CTNNA3: variants seen among roughly 807,000 people sequenced by gnomAD.
The protein encoded by CTNNA3 is catenin alpha 3, also known as catenin alpha-3.
In CTNNA3, 76 loss-of-function variants were observed where a neutral mutation model predicts 95.7. The ratio of observed to expected loss-of-function variants is 0.79; its 90% CI spans 0.66 to 0.96. CTNNA3 has a LOEUF of 0.96. CTNNA3 is among the 40% of genes least tolerant of loss of function. The pLI, the probability that CTNNA3 is intolerant of heterozygous loss-of-function variation, is 0.00. For synonymous variants in CTNNA3, 431 were observed against 374.4 expected (o/e 1.15, Z -1.74); for missense variants, 1,191 against 1,089.8 (o/e 1.09, Z -1.31).
chr10:66,003,337 T>C (rs987090505), intron 15 of CTNNA3, among the ~76,000 whole-genome samples: 1 of 151,972 alleles, frequency 6.6e-6, no homozygotes, highest in East Asian at 1.9e-4. Context: ...GTGGTGTGTG[T>C]GTGTGTGTGT....
In CTNNA3 at chr10:66,534,718, T is replaced by A. The variant is rs530601328; in HGVS notation, c.1375-13945A>T. 2.3e-3 allele frequency among the ~76,000 whole-genome samples: 346 copies of A among 150,384 alleles called. 2 individuals are homozygous for A. The highest frequency in any genetic ancestry group is 7.9e-3 in the African/African-American group (326 of 41,320). Reference sequence around the variant, plus strand: ...CAGTAAATTATATCATTTATAATAATTTAATAAATTATAGTATTTACTGAA... The same window carrying A: ...CAGTAAATTATATCATTTATAATAAATTAATAAATTATAGTATTTACTGAA... On this transcript the variant is annotated intron_variant, in intron 10 of 17. Transcript: ENST00000433211.
intron 5 of CTNNA3, among the ~76,000 whole-genome samples, chr10:67,307,380 G>T (rs1007341979): frequency 6.6e-6 from 1 of 152,098 alleles, no homozygotes; most frequent in Non-Finnish European, 1.5e-5. Context: ...ATAGCATATC[G>T]TCATATACTG....
chr10:66,762,563 C>T (rs1281170377), intron 9 of CTNNA3, among the ~76,000 whole-genome samples: 1 of 151,436 alleles, frequency 6.6e-6, no homozygotes, highest in Non-Finnish European at 1.5e-5. Flanking sequence ...TCTGAGGTCT[C>T]CTCCTGTATT....
intron 17 of CTNNA3, among the ~76,000 whole-genome samples, chr10:65,946,286 A>G (rs927518433): frequency 5.3e-5 from 8 of 152,212 alleles, no homozygotes; most frequent in African/African-American, 1.7e-4. Flanking sequence ...TTACATATAT[A>G]GTTTACAAAT....
At chr10:66,785,446 A>G (rs1840704297) in intron 7 of CTNNA3, among the ~76,000 whole-genome samples, 1 of 152,164 alleles carries the variant, frequency 6.6e-6, no homozygotes, top group Non-Finnish European at 1.5e-5. Context: ...GGTAGAACAA[A>G]AAGACAGAGG....
intron 17 of CTNNA3, among the ~76,000 whole-genome samples, chr10:65,948,260 A>G (rs908213418): frequency 2.0e-5 from 3 of 148,100 alleles, no homozygotes; most frequent in Admixed American, 6.8e-5. Flanking sequence ...CAGCCTGGGC[A>G]ACAGAGCGAG....
In CTNNA3 at chr10:66,055,159, G is replaced by A. The variant is rs116329307; in HGVS notation, c.2159+14149C>T. On this transcript the variant is annotated intron_variant, in intron 15 of 17. Transcript: ENST00000433211. Reference sequence around the variant, plus strand: ...ATAAATTTAAGTCAGGTAATGTGACGTCTCCAGCTTCAGTCTTTTTCTCAG... The same window carrying A: ...ATAAATTTAAGTCAGGTAATGTGACATCTCCAGCTTCAGTCTTTTTCTCAG... Among the ~76,000 whole-genome samples the A allele has an allele frequency of 4.3e-3, 654 of 152,156 alleles. 5 individuals are homozygous for A. The highest frequency in any genetic ancestry group is 0.015 in the African/African-American group (628 of 41,522).
At chr10:65,993,974 T>C (rs1216157600) in intron 15 of CTNNA3, among the ~76,000 whole-genome samples, 3 of 152,182 alleles carry the variant, frequency 2.0e-5, no homozygotes, top group African/African-American at 7.2e-5. Flanking sequence ...GACCTCGCGA[T>C]CTGCCCACCT....
At chr10:66,536,817 G>A (rs1472465039) in intron 10 of CTNNA3, among the ~76,000 whole-genome samples, 3 of 152,130 alleles carry the variant, frequency 2.0e-5, no homozygotes, top group East Asian at 1.9e-4. Flanking sequence ...ATTGAGCGTT[G>A]CACTAAATTA....
chr10:66,928,359 AG>A, intron 7 of CTNNA3: 1 of 1,614,204 alleles, frequency 6.2e-7, no homozygotes, highest in Non-Finnish European at 8.5e-7. Context: ...AATTTTATGT[AG>A]ATTATAAACC....
At chr10:67,173,523 T>C (rs1862105852) in intron 7 of CTNNA3, among the ~76,000 whole-genome samples, 1 of 152,212 alleles carries the variant, frequency 6.6e-6, no homozygotes, top group Non-Finnish European at 1.5e-5. Flanking sequence ...TGAAAGACTG[T>C]CCCAACAAAA....
chr10:67,083,448 G>T (rs1216237482), intron 7 of CTNNA3, among the ~76,000 whole-genome samples: 1 of 151,172 alleles, frequency 6.6e-6, no homozygotes, highest in East Asian at 1.9e-4. Flanking sequence ...CACTAAAGCA[G>T]AATAACCTGA....
At chr10:66,006,401 A>G (rs2078884511) in intron 15 of CTNNA3, among the ~76,000 whole-genome samples, 1 of 152,068 alleles carries the variant, frequency 6.6e-6, no homozygotes, top group South Asian at 2.1e-4. Flanking sequence ...CAACAAACCA[A>G]AAGACTAAAA....
At chr10:66,199,789 ATATATATATATATATATTTTTTTT>A (rs1420547780) in intron 13 of CTNNA3, among the ~76,000 whole-genome samples, 1 of 11,166 alleles carries the variant, frequency 9.0e-5, no homozygotes, top group African/African-American at 3.5e-4. Flanking sequence ...ATATATATAT[ATATATATATATATATATTTTTTTT>A]TTTTTTTTTT....
intron 16 of CTNNA3, among the ~76,000 whole-genome samples, chr10:65,969,152 T>C (rs1163814879): frequency 7.3e-5 from 11 of 151,106 alleles, no homozygotes; most frequent in Admixed American, 7.3e-4. Flanking sequence ...GGTGTAGGAG[T>C]ACACAAGTTA....
chr10:66,058,148 A>C (rs531063805), intron 15 of CTNNA3, among the ~76,000 whole-genome samples: 1 of 152,292 alleles, frequency 6.6e-6, no homozygotes, highest in Non-Finnish European at 1.5e-5. Flanking sequence ...ATGTGCAAAG[A>C]GATTTCTTAT....
intron 9 of CTNNA3, among the ~76,000 whole-genome samples, chr10:66,704,520 C>T (rs1848056344): frequency 6.6e-6 from 1 of 152,126 alleles, no homozygotes; most frequent in South Asian, 2.1e-4. Context: ...GTGTGTTTGG[C>T]CTGCATACAT....
intron 13 of CTNNA3, among the ~76,000 whole-genome samples, chr10:66,213,487 TA>T: frequency 6.6e-6 from 1 of 152,210 alleles, no homozygotes; most frequent in Non-Finnish European, 1.5e-5. Context: ...TACTAGTACT[TA>T]AAATAGATAT....
At chr10:67,201,721 A>C (rs1293134237) in intron 6 of CTNNA3, among the ~76,000 whole-genome samples, 1 of 152,152 alleles carries the variant, frequency 6.6e-6, no homozygotes, top group African/African-American at 2.4e-5. Context: ...CCTCCATTTC[A>C]CATGTTTAAA....
Sources: allele counts gnomAD v4.1 joint callset (sites outside exome capture counted in the v4.1 genomes callset), GRCh38; gene constraint gnomAD v4.1.1; transcripts MANE v1.5; gene names NCBI Gene and HGNC (gene_info 2026-07-23, HGNC 2026-07-21).